ENO4: variants seen among roughly 807,000 people sequenced by gnomAD.
The protein encoded by ENO4 is 2-phospho-D-glycerate hydro-lyase.
Under a neutral mutation model 63.2 loss-of-function variants are expected in ENO4, and 53 were observed. The ratio of observed to expected loss-of-function variants is 0.84; its 90% CI spans 0.67 to 1.05. ENO4 has a LOEUF of 1.05. ENO4 is among the 50% of genes least tolerant of loss of function. The pLI is 0.00. For missense variants in ENO4, 719 were observed against 772.0 expected, an observed-to-expected ratio of 0.93 and a Z score of 0.81; for synonymous variants, 266 against 283.8, an observed-to-expected ratio of 0.94 and a Z score of 0.63.
At chr10:116,909,146 G>A (rs937162348) in intron 10 of ENO4, among the ~76,000 whole-genome samples, 4 of 152,160 alleles carry the variant, frequency 2.6e-5, no homozygotes, top group Non-Finnish European at 5.9e-5. Flanking sequence ...GAGCCTCAGG[G>A]TCTGGGGACA....
In ENO4 at chr10:116,879,349, T is replaced by C; in HGVS notation, c.1596T>C (p.Leu532=). 6.5e-7 allele frequency: 1 copy of C among 1,549,948 alleles called. No homozygotes were observed. ...AAGGAGAATCATCTGATGACAGCCT[T>C]GTCGATTTGGTAAGTGCTGAATGCT... ...STEGESSDDS[L]VDLAVGLGVR... Residue 532 remains leucine, a synonymous_variant, in exon 12 of 14, where the codon CTT becomes CTC. Coordinates refer to ENST00000341276, the MANE Select transcript of ENO4 (RefSeq NM_001242699.2).
At chr10:116,901,589 G>A in intron 10 of ENO4, 2 of 985,332 alleles carry the variant, frequency 2.0e-6, no homozygotes, top group Non-Finnish European at 2.4e-6. Flanking sequence ...GGATCTGAAT[G>A]AGATCTCTTA....
At chr10:116,878,702 AG>A (rs1233430975) in intron 11 of ENO4, among the ~76,000 whole-genome samples, 6 of 83,996 alleles carry the variant, frequency 7.1e-5, no homozygotes, top group Non-Finnish European at 2.2e-4. Context: ...ACCCCCTTTT[AG>A]TGGTAATAAA....
intron 11 of ENO4, 74 bp from the exon 12 acceptor site, chr10:116,879,217 A>C (rs996095353): frequency 1.9e-5 from 20 of 1,072,764 alleles, no homozygotes; most frequent in Non-Finnish European, 2.5e-5. Flanking sequence ...AGAAATTTTA[A>C]ATTTTGATCC....
Position 116,871,372 on chromosome 10 carries a change from T to C in ENO4, c.1215+80T>C. The C allele has an allele frequency of 2.4e-6, 3 of 1,246,586 alleles. No homozygotes were observed. In the South Asian group the frequency reaches 4.8e-5, roughly 20 times the overall value. The allele number at this position is 1,246,586 out of a possible 1,614,324, so 77.2% of individuals were successfully genotyped here. ...TAGAACTCAGAAAAAAAAGAGCTTATCTGAATATTGTCCAAACAGATCTTA... is the reference window on the plus strand; with the variant it reads ...TAGAACTCAGAAAAAAAAGAGCTTACCTGAATATTGTCCAAACAGATCTTA... On this transcript the variant is annotated intron_variant, in intron 9 of 13. Coordinates refer to ENST00000341276, the MANE Select transcript of ENO4 (RefSeq NM_001242699.2).
intron 10 of ENO4, 109 bp from the exon 11 acceptor site, chr10:116,875,956 T>C (rs1846821211): frequency 1.3e-6 from 1 of 785,218 alleles, no homozygotes; most frequent in African/African-American, 1.8e-5. Flanking sequence ...AAAATTGTTT[T>C]GTGCATCTCA....
At chr10:116,892,481 C>T (rs1421000845) in intron 10 of ENO4, among the ~76,000 whole-genome samples, 1 of 152,098 alleles carries the variant, frequency 6.6e-6, no homozygotes, top group Non-Finnish European at 1.5e-5. Context: ...TATTAAAAGC[C>T]ATGTTATTTA....
At chr10:116,868,826 T>G (rs1846613355) in intron 8 of ENO4, 120 bp downstream of exon 8, 2 of 851,344 alleles carry the variant, frequency 2.3e-6, no homozygotes, top group South Asian at 3.0e-5. Flanking sequence ...ATGGAAACCA[T>G]ATAGTGATAT....
intron 7 of ENO4, among the ~76,000 whole-genome samples, chr10:116,865,144 T>C (rs1846518102): frequency 6.6e-6 from 1 of 152,226 alleles, no homozygotes; most frequent in Non-Finnish European, 1.5e-5. Context: ...TTATCTTTTA[T>C]TGATATCTAG....
At chr10:116,908,479 GTAC>G (rs1306161350) in intron 10 of ENO4, among the ~76,000 whole-genome samples, 4 of 152,040 alleles carry the variant, frequency 2.6e-5, no homozygotes, top group Admixed American at 1.3e-4. Context: ...TTTGAAAAAA[GTAC>G]TACAACAACT....
At chr10:116,886,377 T>G, downstream of ENO4, 3 of 1,560,144 alleles carry the variant, frequency 1.9e-6, no homozygotes, top group Non-Finnish European at 2.6e-6. Context: ...CTCTCACGTT[T>G]TCAATGCTGT....
At chr10:116,850,722 G>A (rs1846054535) in intron 1 of ENO4, among the ~76,000 whole-genome samples, 1 of 152,152 alleles carries the variant, frequency 6.6e-6, no homozygotes, top group Non-Finnish European at 1.5e-5. Context: ...AAGGGGAGAG[G>A]TGTGGGGTTT....
At chr10:116,905,297 C>T (rs1169792993) in intron 10 of ENO4, among the ~76,000 whole-genome samples, 1 of 151,456 alleles carries the variant, frequency 6.6e-6, no homozygotes, top group African/African-American at 2.4e-5. Flanking sequence ...CTGATTAAGT[C>T]ACAAAATGAA....
chr10:116,909,197 T>C (rs929876902), intron 10 of ENO4, among the ~76,000 whole-genome samples: 17 of 152,272 alleles, frequency 1.1e-4, no homozygotes, highest in African/African-American at 4.1e-4. Flanking sequence ...ATCTAGAACT[T>C]AGATTTCCCA....
chr10:116,868,745 C>T lies in ENO4; in HGVS notation c.1047+39C>T, dbSNP rs904108604. 7 of 1,514,164 alleles carry T rather than the reference C, an allele frequency of 4.6e-6. No individual in the cohort carries two copies. The African/African-American group carries it at 8.3e-5, about 18-fold the overall frequency. The allele number at this position is 1,514,164 out of a possible 1,614,324, so 93.8% of individuals were successfully genotyped here. The stretch of plus-strand genomic sequence containing the variant: ...TTGTTTACCATCCTTCCATATGACA[C>T]TGTCTATAAATTTCCTGCCCCTTTT... On this transcript the variant is annotated intron_variant, in intron 8 of 13. Transcript: ENST00000341276.
chr10:116,906,872 G>T (rs995099727), intron 10 of ENO4: 3 of 749,642 alleles, frequency 4.0e-6, no homozygotes, highest in Non-Finnish European at 4.0e-6. Context: ...AAATGAATTT[G>T]CTATATATTA....
chr10:116,872,058 G>A (rs184024672), intron 9 of ENO4, among the ~76,000 whole-genome samples: 27 of 152,284 alleles, frequency 1.8e-4, no homozygotes, highest in Admixed American at 4.6e-4. Flanking sequence ...TTAGCTGGGC[G>A]TGGTGGTGGG....
At position 116,881,547 on chromosome 10, in the gene ENO4, A is replaced by T; in HGVS notation, c.1756A>T (p.Asn586Tyr). The T allele has an allele frequency of 6.5e-7, 1 of 1,546,498 alleles. No homozygotes were observed. The highest frequency in any genetic ancestry group is 2.0e-5 in the Admixed American group (1 of 49,818). ...AGAAGAACACACTTTTTTTTACTTT[A>T]ATGAGGAAGCTGAAAAGGCTGCGGA... ...FKEEHTFFYF[N>Y]EEAEKAAEAL... Residue 586 changes from asparagine (N) to tyrosine (Y), a missense_variant, in exon 14 of 14, where the codon AAT (asparagine) becomes TAT (tyrosine). Physicochemically the swap from Asn to Tyr is moderately radical, Grantham distance 143. Coordinates refer to ENST00000341276, the MANE Select transcript of ENO4 (RefSeq NM_001242699.2).
chr10:116,886,532 T>A (rs2133294425), downstream of ENO4: 4 of 1,614,188 alleles, frequency 2.5e-6, no homozygotes, highest in Non-Finnish European at 2.5e-6. Context: ...TCACCGTCAA[T>A]GTATTTTTTC....
Sources: gnomAD v4.1 joint callset for allele counts (sites outside exome capture counted in the v4.1 genomes callset) on GRCh38, gnomAD v4.1.1 for gene constraint, MANE v1.5 for transcripts, NCBI Gene and HGNC (gene_info 2026-07-23, HGNC 2026-07-21) for gene names.